Variants in TBC1D2B observed in about 807,000 individuals in gnomAD.
TBC1D2B encodes the protein TBC1 domain family member 2B, also known as TBC1 domain family, member 2B.
A neutral mutation model predicts 100.8 loss-of-function variants in TBC1D2B; 64 were observed. That is an observed-to-expected ratio of 0.64 (90% CI 0.52 to 0.78). TBC1D2B has a LOEUF of 0.78. TBC1D2B is among the 30% of genes least tolerant of loss of function. The probability of loss-of-function intolerance (pLI) is 0.00; values close to 1 mark genes in which losing one functional copy is unlikely to be tolerated. For missense variants in TBC1D2B, 1,052 were observed against 1,218.4 expected (o/e 0.86, Z 2.03); for synonymous variants, 480 against 479.7 (o/e 1.00, Z -0.01).
At position 78,013,195 on chromosome 15, in the gene TBC1D2B, G is replaced by GTC. The variant is rs1484122327; in HGVS notation, c.1897_1898insGA (p.Thr633ArgfsTer14). ...AAAATAGTTTTCCCACTTGACCCCAGTGGAGACTTCCTGGTTTTCTGTGAG... is the reference window on the plus strand; with the variant it reads ...AAAATAGTTTTCCCACTTGACCCCAGTCTGGAGACTTCCTGGTTTTCTGTGAG... On this transcript the variant is annotated frameshift_variant, in exon 9 of 13. Transcript: ENST00000300584. LOFTEE classifies it high-confidence loss of function. 2 of 1,614,008 alleles carry GTC rather than the reference G, an allele frequency of 1.2e-6. No homozygotes were observed.
chr15:78,073,789 G>A (rs2073777728), intron 1 of TBC1D2B, among the ~76,000 whole-genome samples: 1 of 151,946 alleles, frequency 6.6e-6, no homozygotes, highest in South Asian at 2.1e-4. Context: ...GGCCAATATG[G>A]TGAAACCCCG....
intron 1 of TBC1D2B, among the ~76,000 whole-genome samples, chr15:78,070,663 A>G (rs1301583629): frequency 1.3e-5 from 2 of 152,126 alleles, no homozygotes; most frequent in East Asian, 3.8e-4. Flanking sequence ...TTATTTTGCT[A>G]TTTTATTTTT....
Position 78,003,308 on chromosome 15 carries a change from T to C in TBC1D2B, c.2571A>G (p.Pro857=), listed in dbSNP as rs143399953. 1.0e-4 allele frequency: 169 copies of C among 1,613,050 alleles called. No homozygotes were observed. The highest frequency in any genetic ancestry group is 1.4e-4 in the Non-Finnish European group (163 of 1,179,298). The part of the protein sequence containing the change: ...KIWDSFLYEG[P]KVIFRFALAL... ...TAGCTGAGCTGAGCTAACTCACCTT[T>C]GGTCCTTCATAAAGGAAAGAGTCCC... The change falls in exon 11 of 13, where the codon CCA becomes CCG. Residue 857 remains proline, a synonymous_variant. Coordinates refer to ENST00000300584, the MANE Select transcript of TBC1D2B (RefSeq NM_144572.2).
intron 4 of TBC1D2B, among the ~76,000 whole-genome samples, chr15:78,026,342 G>C (rs931114592): frequency 6.6e-6 from 1 of 152,076 alleles, no homozygotes; most frequent in African/African-American, 2.4e-5. Context: ...GTTATCACCA[G>C]AGCAGGTTTG....
At chr15:78,019,579 C>CT (rs201969250) in intron 6 of TBC1D2B, among the ~76,000 whole-genome samples, 10,528 of 144,768 alleles carry the variant, frequency 0.073, 431 homozygotes, top group East Asian at 0.24. Context: ...GTCTTAAAAG[C>CT]TTTTTTTTTT....
At chr15:78,029,082 A>T (rs2072743132) in intron 4 of TBC1D2B, among the ~76,000 whole-genome samples, 1 of 150,484 alleles carries the variant, frequency 6.6e-6, no homozygotes, top group African/African-American at 2.4e-5. Flanking sequence ...TTTGAGACAG[A>T]GTCTCGGTCT....
chr15:78,013,940 G>T (rs974539014), intron 8 of TBC1D2B, among the ~76,000 whole-genome samples: 2 of 152,170 alleles, frequency 1.3e-5, no homozygotes, highest in African/African-American at 4.8e-5. Context: ...CAAAGTGGAA[G>T]AGTCAGTCAG....
In TBC1D2B at chr15:78,030,083, T is replaced by C; in HGVS notation, c.771A>G (p.Leu257=). Residue 257 remains leucine, a synonymous_variant, in exon 4 of 13, where the codon TTA becomes TTG. Transcript: ENST00000300584. ...VFYTNEEWEL[L]DPTPKDLEES... is the part of the protein sequence containing the mutation. ...CCTCTAGGTCCTTAGGGGTTGGGTC[T>C]AAAAGTTCCCACTCTTCATTGGTAT... The C allele has an allele frequency of 1.2e-6, 2 of 1,613,876 alleles. No homozygotes were observed. The highest frequency in any genetic ancestry group is 1.7e-6 in the Non-Finnish European group (2 of 1,179,784).
Position 78,040,884 on chromosome 15 carries a change from G to GAAAGAAAGAA in TBC1D2B, c.683+4015_683+4016insTTCTTTCTTT, listed in dbSNP as rs1307551330. Among the ~76,000 whole-genome samples the GAAAGAAAGAA allele has an allele frequency of 2.8e-3, 251 of 90,268 alleles. 4 individuals are homozygous for GAAAGAAAGAA. The highest frequency in any genetic ancestry group is 5.4e-3 in the Middle Eastern group (1 of 184). The allele number at this position is 90,268 out of a possible 152,430, so 59.2% of individuals were successfully genotyped here. The stretch of plus-strand genomic sequence containing the variant: ...AAAGAAAGAAAGAAAGAAAGAAAGA[G>GAAAGAAAGAA]AGAGAGAGAGAAAGAAAGAAAGAAA... On this transcript the variant is annotated intron_variant, in intron 3 of 12. Transcript: ENST00000300584.
chr15:78,034,498 T>C, intron 3 of TBC1D2B: 3 of 985,428 alleles, frequency 3.0e-6, no homozygotes, highest in Non-Finnish European at 3.6e-6. Context: ...TGTCAAACTG[T>C]GCTCCTCAGC....
intron 5 of TBC1D2B, 96 bp downstream of exon 5, chr15:78,025,163 C>T: frequency 9.5e-7 from 1 of 1,050,668 alleles, no homozygotes; most frequent in Non-Finnish European, 1.4e-6. Flanking sequence ...ACAAAGCTGT[C>T]CCCAGAAAGA....
At position 78,024,210 on chromosome 15, in the gene TBC1D2B, G is replaced by A. The variant is rs1411859520; in HGVS notation, c.1416C>T (p.Ser472=). Residue 472 remains serine, a synonymous_variant, in exon 6 of 13, where the codon AGC becomes AGT. Coordinates refer to ENST00000300584, the MANE Select transcript of TBC1D2B (RefSeq NM_144572.2). Reference sequence around the variant, plus strand: ...TGGCAACAGGCACAACCGAAGGGGAGCTGGGCGCCACGGTGGGAGGAGGCC... The same window carrying A: ...TGGCAACAGGCACAACCGAAGGGGAACTGGGCGCCACGGTGGGAGGAGGCC... ...GNGPPPTVAP[S]SPSVVPVARD... 1 of 1,613,846 alleles carries A rather than the reference G, an allele frequency of 6.2e-7. No homozygotes were observed. Among genetic ancestry groups the A allele is most frequent in the Admixed American group, 1.7e-5 (1 of 60,032 alleles).
chr15:78,054,263 G>A, intron 1 of TBC1D2B, 76 bp from the exon 2 acceptor site: 1 of 1,422,216 alleles, frequency 7.0e-7, no homozygotes, highest in Non-Finnish European at 9.4e-7. Flanking sequence ...TGTCTCATGA[G>A]TAGACTGTTC....
intron 1 of TBC1D2B, among the ~76,000 whole-genome samples, chr15:78,069,562 C>T (rs1251284319): frequency 6.6e-6 from 1 of 152,178 alleles, no homozygotes; most frequent in Non-Finnish European, 1.5e-5. Flanking sequence ...AAACGTGTGT[C>T]CCCGCAAAAT....
chr15:78,027,447 T>C (rs868461743), intron 4 of TBC1D2B, among the ~76,000 whole-genome samples: 27 of 152,370 alleles, frequency 1.8e-4, no homozygotes, highest in Middle Eastern at 6.8e-3. Flanking sequence ...GGTAGTTCAC[T>C]TTCTGTGAAT....
intron 3 of TBC1D2B, among the ~76,000 whole-genome samples, chr15:78,038,157 C>G (rs574250287): frequency 6.6e-6 from 1 of 152,192 alleles, no homozygotes; most frequent in African/African-American, 2.4e-5. Context: ...TTCCTCAAGT[C>G]GGTGCTGGAC....
chr15:78,008,915 C>A (rs765967911), intron 10 of TBC1D2B, 82 bp downstream of exon 10: 1 of 981,960 alleles, frequency 1.0e-6, no homozygotes, highest in Non-Finnish European at 1.6e-6. Context: ...CAACCCCTCA[C>A]CCTGACCGCA....
intron 3 of TBC1D2B, among the ~76,000 whole-genome samples, chr15:78,039,308 G>A (rs1012991313): frequency 7.2e-5 from 11 of 152,216 alleles, no homozygotes; most frequent in Non-Finnish European, 1.3e-4. Context: ...GGGCTGAAGA[G>A]AGGAGTCACT....
At chr15:78,019,903 G>A (rs12912112) in intron 6 of TBC1D2B, among the ~76,000 whole-genome samples, 9 of 138,342 alleles carry the variant, frequency 6.5e-5, no homozygotes, top group Admixed American at 1.4e-4. Flanking sequence ...AAAAAAAAAG[G>A]GGGGGGGAGA....
Sources: allele counts gnomAD v4.1 joint callset (sites outside exome capture counted in the v4.1 genomes callset), GRCh38; gene constraint gnomAD v4.1.1; transcripts MANE v1.5; gene names NCBI Gene and HGNC (gene_info 2026-07-23, HGNC 2026-07-21).